IL1RAPL1: variants seen among roughly 807,000 people sequenced by gnomAD.
The protein encoded by IL1RAPL1 is interleukin 1 receptor accessory protein like 1.
A neutral mutation model predicts 48.4 loss-of-function variants in IL1RAPL1; 3 were observed. That is an observed-to-expected ratio of 0.06 (90% confidence interval 0.03 to 0.16). IL1RAPL1 has a LOEUF of 0.16. Ranked by LOEUF, IL1RAPL1 falls within the 10% of genes least tolerant of loss-of-function variation. IL1RAPL1 has a pLI of 1.00. For missense variants in IL1RAPL1, 349 were observed against 530.6 expected (o/e 0.66, Z 3.36); for synonymous variants, 185 against 187.7 (o/e 0.99, Z 0.12).
chrX:28,939,657 C>T (rs1053090656), intron 2 of IL1RAPL1, among the ~76,000 whole-genome samples: 4 of 110,958 alleles, frequency 3.6e-5, no homozygotes, highest in African/African-American at 9.8e-5. Flanking sequence ...TAATAAACTC[C>T]ACATGTACCC....
intron 2 of IL1RAPL1, among the ~76,000 whole-genome samples, chrX:28,920,891 C>A (rs750596075): frequency 8.9e-6 from 1 of 111,929 alleles, no homozygotes; most frequent in Non-Finnish European, 1.9e-5. Context: ...CAGAAATCCC[C>A]TGACCTGGTT....
chrX:29,944,198 C>T (rs896307075), intron 9 of IL1RAPL1, among the ~76,000 whole-genome samples: 1 of 111,375 alleles, frequency 9.0e-6, no homozygotes, highest in Non-Finnish European at 1.9e-5. Context: ...CCCTAAAAAG[C>T]GGGGGGCAGG....
chrX:29,845,748 G>A (rs1931233706), intron 6 of IL1RAPL1, among the ~76,000 whole-genome samples: 1 of 111,242 alleles, frequency 9.0e-6, no homozygotes, highest in Admixed American at 9.6e-5. Flanking sequence ...CGTTTAATTG[G>A]CCCACAGTTC....
chrX:29,565,435 G>A lies in IL1RAPL1; in HGVS notation c.704-102995G>A, dbSNP rs771434551. Among the ~76,000 whole-genome samples the A allele has an allele frequency of 8.0e-4, 89 of 111,089 alleles. 1 individual carries two copies. The highest frequency in any genetic ancestry group is 7.5e-4 in the South Asian group (2 of 2,671). On this transcript the variant is annotated intron_variant, in intron 5 of 10. Coordinates refer to ENST00000378993, the MANE Select transcript of IL1RAPL1 (RefSeq NM_014271.4). Reference sequence around the variant, plus strand: ...TGTATAAAACAAAAGATCACTATTCGGAATATGCAGATACCTCTTATTTAT... The same window carrying A: ...TGTATAAAACAAAAGATCACTATTCAGAATATGCAGATACCTCTTATTTAT...
chrX:29,218,301 G>C (rs943276289), intron 2 of IL1RAPL1, among the ~76,000 whole-genome samples: 11 of 111,746 alleles, frequency 9.8e-5, no homozygotes, highest in African/African-American at 3.6e-4. Context: ...ATTTACAAAT[G>C]ACCATGCTAG....
intron 5 of IL1RAPL1, among the ~76,000 whole-genome samples, chrX:29,447,504 C>T (rs1034419935): frequency 2.7e-5 from 3 of 111,673 alleles, no homozygotes; most frequent in Non-Finnish European, 5.7e-5. Flanking sequence ...AATTACGCAC[C>T]TAGGATAATT....
At chrX:29,897,755 A>G (rs1932415695) in intron 6 of IL1RAPL1, among the ~76,000 whole-genome samples, 1 of 111,408 alleles carries the variant, frequency 9.0e-6, no homozygotes, top group Admixed American at 9.6e-5. Flanking sequence ...GATGATCGCT[A>G]ATCTATAATC....
intron 3 of IL1RAPL1, among the ~76,000 whole-genome samples, chrX:29,385,369 G>A (rs1211069345): frequency 1.8e-5 from 2 of 112,182 alleles, no homozygotes; most frequent in African/African-American, 3.2e-5. Context: ...CAGGAGAATC[G>A]CTTGAACCTG....
At chrX:29,494,089 G>A (rs1413348815) in intron 5 of IL1RAPL1, among the ~76,000 whole-genome samples, 1 of 108,916 alleles carries the variant, frequency 9.2e-6, no homozygotes, top group Non-Finnish European at 1.9e-5. Flanking sequence ...TTTTAGTGGA[G>A]ACGGGGTTTC....
chrX:28,897,324 T>C (rs1332674937), intron 2 of IL1RAPL1, among the ~76,000 whole-genome samples: 1 of 111,199 alleles, frequency 9.0e-6, no homozygotes, highest in Admixed American at 9.5e-5. Flanking sequence ...GGGTGAATAA[T>C]CAGGCAGGCG....
intron 5 of IL1RAPL1, among the ~76,000 whole-genome samples, chrX:29,400,501 ATAT>A (rs1437643133): frequency 1.8e-5 from 2 of 112,111 alleles, no homozygotes; most frequent in African/African-American, 6.5e-5. Context: ...GAAATTAAAA[ATAT>A]TATTCTCATA....
At chrX:28,600,767 G>A (rs1172174461) in intron 1 of IL1RAPL1, among the ~76,000 whole-genome samples, 1 of 111,515 alleles carries the variant, frequency 9.0e-6, no homozygotes, top group African/African-American at 3.3e-5. Context: ...AGGGGAACTA[G>A]TTTTGAATAC....
intron 2 of IL1RAPL1, among the ~76,000 whole-genome samples, chrX:29,200,767 C>T (rs1262785547): frequency 2.7e-5 from 3 of 111,606 alleles, no homozygotes; most frequent in African/African-American, 9.8e-5. Context: ...TTAATATTAC[C>T]ATAAAATATG....
At chrX:29,324,416 G>C (rs776963884) in intron 3 of IL1RAPL1, among the ~76,000 whole-genome samples, 1 of 111,025 alleles carries the variant, frequency 9.0e-6, no homozygotes, top group South Asian at 3.8e-4. Context: ...GGACAAAAAG[G>C]GTATGATCTA....
At chrX:29,082,460 A>C (rs1927863919) in intron 2 of IL1RAPL1, among the ~76,000 whole-genome samples, 1 of 112,426 alleles carries the variant, frequency 8.9e-6, no homozygotes. Flanking sequence ...TTTGAGTGAA[A>C]TATACAACCA....
chrX:29,900,214 A>G (rs1166290426), intron 6 of IL1RAPL1, among the ~76,000 whole-genome samples: 1 of 112,381 alleles, frequency 8.9e-6, no homozygotes, highest in Non-Finnish European at 1.9e-5. Context: ...TCACTGTTAC[A>G]TCTTAAATAA....
At chrX:28,720,021 G>C (rs941394057) in intron 1 of IL1RAPL1, among the ~76,000 whole-genome samples, 1 of 110,937 alleles carries the variant, frequency 9.0e-6, no homozygotes, top group Non-Finnish European at 1.9e-5. Flanking sequence ...AAAGAAATTC[G>C]TAGAGAAAAA....
intron 6 of IL1RAPL1, among the ~76,000 whole-genome samples, chrX:29,820,179 T>G (rs1930582266): frequency 9.2e-6 from 1 of 108,611 alleles, no homozygotes; most frequent in Admixed American, 1.0e-4. Flanking sequence ...AAATATAATA[T>G]AAACCATATA....
intron 2 of IL1RAPL1, among the ~76,000 whole-genome samples, chrX:28,926,144 C>A (rs1923735957): frequency 9.0e-6 from 1 of 111,506 alleles, no homozygotes; most frequent in African/African-American, 3.3e-5. Context: ...TCAGTCACAG[C>A]CGCCAGATTT....
Sources: allele counts gnomAD v4.1 joint callset (sites outside exome capture counted in the v4.1 genomes callset), GRCh38; gene constraint gnomAD v4.1.1; transcripts MANE v1.5; gene names NCBI Gene and HGNC (gene_info 2026-07-23, HGNC 2026-07-21).